KDM4C: variants seen among roughly 807,000 people sequenced by gnomAD.
KDM4C encodes the protein lysine-specific demethylase 4C.
Under a neutral mutation model 129.3 loss-of-function variants are expected in KDM4C, and 81 were observed. That is an observed-to-expected ratio of 0.63 (90% CI 0.52 to 0.75). KDM4C has a LOEUF of 0.75. KDM4C is among the 30% of genes least tolerant of loss of function. KDM4C has a pLI of 0.00. For synonymous variants in KDM4C, 573 were observed against 456.1 expected, an observed-to-expected ratio of 1.26 and a Z score of -3.26; for missense variants, 1,457 against 1,304.0, an observed-to-expected ratio of 1.12 and a Z score of -1.81.
intron 8 of KDM4C, among the ~76,000 whole-genome samples, chr9:6,901,053 C>T (rs1193539347): frequency 1.3e-5 from 2 of 151,508 alleles, no homozygotes; most frequent in Non-Finnish European, 2.9e-5. Context: ...AAAATTTTTA[C>T]TAAAGGCTCT....
chr9:7,015,131 A>C lies in KDM4C; in HGVS notation c.2183-722A>C, dbSNP rs145344470. On this transcript the variant is annotated intron_variant, in intron 14 of 21. Transcript: ENST00000381309. Reference sequence around the variant, plus strand: ...TGATAGGTTTTTTCCTTGGGAAATTACATTTCTGTTATTTTGTTTTCATCT... The same window carrying C: ...TGATAGGTTTTTTCCTTGGGAAATTCCATTTCTGTTATTTTGTTTTCATCT... Among the ~76,000 whole-genome samples, 595 of 152,248 alleles carry C rather than the reference A, an allele frequency of 3.9e-3. 3 individuals are homozygous for C. The highest frequency in any genetic ancestry group is 0.013 in the African/African-American group (520 of 41,554).
At chr9:6,849,198 AT>A (rs1268678672) in intron 4 of KDM4C, among the ~76,000 whole-genome samples, 2 of 152,142 alleles carry the variant, frequency 1.3e-5, no homozygotes, top group African/African-American at 4.8e-5. Context: ...TGAATCAGTA[AT>A]TTTTTGCTGA....
chr9:7,028,141 T>A (rs756716966), intron 15 of KDM4C, among the ~76,000 whole-genome samples: 3 of 152,078 alleles, frequency 2.0e-5, no homozygotes, highest in African/African-American at 4.8e-5. Flanking sequence ...CCCCCCTACT[T>A]TTCTTATCAG....
intron 1 of KDM4C, chr9:6,727,235 G>C (rs1817160958): frequency 6.6e-6 from 1 of 151,792 alleles, no homozygotes; most frequent in Non-Finnish European, 1.5e-5. Context: ...TGGATCACCT[G>C]AGGTCAGGAG....
At chr9:6,865,179 T>G (rs1212409870) in intron 5 of KDM4C, among the ~76,000 whole-genome samples, 1 of 152,006 alleles carries the variant, frequency 6.6e-6, no homozygotes, top group Non-Finnish European at 1.5e-5. Flanking sequence ...TGGCTAATTT[T>G]TTGTATTTTT....
chr9:7,099,873 T>C (rs886573344), intron 17 of KDM4C, among the ~76,000 whole-genome samples: 2 of 152,074 alleles, frequency 1.3e-5, no homozygotes, highest in Non-Finnish European at 2.9e-5. Context: ...GAACATACAC[T>C]TTTCAATTTT....
chr9:7,040,156 G>T (rs1828313813), intron 15 of KDM4C, among the ~76,000 whole-genome samples: 1 of 152,020 alleles, frequency 6.6e-6, no homozygotes, highest in Non-Finnish European at 1.5e-5. Context: ...TCTTAAAACA[G>T]TATAACTTCA....
chr9:6,843,386 G>A (rs1427052571), intron 4 of KDM4C, among the ~76,000 whole-genome samples: 1 of 152,216 alleles, frequency 6.6e-6, no homozygotes, highest in East Asian at 1.9e-4. Flanking sequence ...ATTTTCACTT[G>A]TGTTTTGTAA....
chr9:7,156,650 A>T (rs1362681424), intron 19 of KDM4C, among the ~76,000 whole-genome samples: 2 of 152,312 alleles, frequency 1.3e-5, no homozygotes, highest in East Asian at 3.9e-4. Context: ...TTTGTCAAAG[A>T]TCAGATGGTT....
intron 21 of KDM4C, among the ~76,000 whole-genome samples, chr9:7,173,129 C>G (rs1845126222): frequency 6.6e-6 from 1 of 152,242 alleles, no homozygotes; most frequent in Non-Finnish European, 1.5e-5. Context: ...ATGGGGTTCC[C>G]CTGATGGGGA....
intron 19 of KDM4C, among the ~76,000 whole-genome samples, chr9:7,153,087 T>A (rs1217907163): frequency 6.6e-6 from 1 of 152,180 alleles, no homozygotes; most frequent in African/African-American, 2.4e-5. Flanking sequence ...TCAGAATTAC[T>A]CATAAAAATA....
At chr9:6,860,821 C>G (rs1362984438) in intron 5 of KDM4C, among the ~76,000 whole-genome samples, 1 of 152,126 alleles carries the variant, frequency 6.6e-6, no homozygotes, top group Admixed American at 6.5e-5. Context: ...TTGTGTTTCT[C>G]TAGATTGAGA....
At chr9:6,745,353 C>A (rs1251874568) in intron 1 of KDM4C, among the ~76,000 whole-genome samples, 1 of 152,046 alleles carries the variant, frequency 6.6e-6, no homozygotes, top group African/African-American at 2.4e-5. Context: ...AATCCCAGCA[C>A]TTTGGGAGGC....
chr9:7,122,290 C>T (rs1260494661), intron 18 of KDM4C, among the ~76,000 whole-genome samples: 1 of 151,278 alleles, frequency 6.6e-6, no homozygotes, highest in Non-Finnish European at 1.5e-5. Flanking sequence ...CTCTCTTAAA[C>T]AGCCAGATCC....
At chr9:6,990,929 A>G (rs182371171) in intron 12 of KDM4C, among the ~76,000 whole-genome samples, 229 of 152,282 alleles carry the variant, frequency 1.5e-3, no homozygotes, top group Admixed American at 3.8e-3. Flanking sequence ...GTAAAAGTCT[A>G]TGTGCCATAT....
chr9:6,906,707 G>A (rs1818388617), intron 8 of KDM4C, among the ~76,000 whole-genome samples: 1 of 152,194 alleles, frequency 6.6e-6, no homozygotes, highest in Non-Finnish European at 1.5e-5. Context: ...CTCCCCAAGT[G>A]CTGGAATTAT....
At chr9:7,059,175 G>A (rs1831270161) in intron 17 of KDM4C, among the ~76,000 whole-genome samples, 1 of 152,134 alleles carries the variant, frequency 6.6e-6, no homozygotes, top group Admixed American at 6.5e-5. Flanking sequence ...TTTGGAGCAG[G>A]GTCTTGCTCT....
At chr9:6,965,475 A>ATG (rs1281671138) in intron 8 of KDM4C, among the ~76,000 whole-genome samples, 1 of 152,160 alleles carries the variant, frequency 6.6e-6, no homozygotes, top group Middle Eastern at 3.4e-3. Context: ...CCAGCAGGAT[A>ATG]TGTGTGTGTG....
intron 21 of KDM4C, among the ~76,000 whole-genome samples, chr9:7,173,536 T>C (rs1043409812): frequency 2.6e-5 from 4 of 152,066 alleles, no homozygotes; most frequent in African/African-American, 9.7e-5. Context: ...GGGAAATAGG[T>C]TGGAGGTACA....
Sources: gnomAD v4.1 joint callset for allele counts (sites outside exome capture counted in the v4.1 genomes callset) on GRCh38, gnomAD v4.1.1 for gene constraint, MANE v1.5 for transcripts, NCBI Gene and HGNC (gene_info 2026-07-23, HGNC 2026-07-21) for gene names.